Variants in INPP4B observed in about 807,000 individuals in gnomAD.
The protein encoded by INPP4B is inositol polyphosphate 4-phosphatase type II.
INPP4B carries 55 observed loss-of-function variants against 122.5 expected under a neutral mutation model. That is an observed-to-expected ratio of 0.45 (90% CI 0.36 to 0.56). The LOEUF (loss-of-function observed/expected upper bound fraction) is 0.56. Among genes scored for constraint, INPP4B ranks in the 20% least tolerant of loss-of-function variants. INPP4B has a pLI of 0.00. For missense variants in INPP4B, 1,000 were observed against 1,097.7 expected (o/e 0.91, Z 1.26); for synonymous variants, 403 against 388.7 (o/e 1.04, Z -0.43).
At chr4:142,640,033 T>C (rs536488903) in intron 2 of INPP4B, among the ~76,000 whole-genome samples, 2 of 152,158 alleles carry the variant, frequency 1.3e-5, no homozygotes, top group East Asian at 3.9e-4. Flanking sequence ...ATAATATGAA[T>C]AGTGAAAAGG....
intron 2 of INPP4B, among the ~76,000 whole-genome samples, chr4:142,530,172 A>G (rs1241514481): frequency 6.6e-6 from 1 of 152,196 alleles, no homozygotes; most frequent in African/African-American, 2.4e-5. Context: ...CTGCTGAAGC[A>G]AATTGTCAGA....
intron 1 of INPP4B, among the ~76,000 whole-genome samples, chr4:142,804,386 A>C (rs566271637): frequency 6.6e-6 from 1 of 152,216 alleles, no homozygotes; most frequent in South Asian, 2.1e-4. Context: ...CTTCTCAAAC[A>C]ATTGAGGAAT....
intron 2 of INPP4B, among the ~76,000 whole-genome samples, chr4:142,592,853 C>G (rs576707353): frequency 1.3e-5 from 2 of 152,226 alleles, no homozygotes; most frequent in South Asian, 4.1e-4. Flanking sequence ...GTAATCCCAG[C>G]ACTTTGGGAG....
chr4:142,517,811 A>C (rs770020656), intron 2 of INPP4B, among the ~76,000 whole-genome samples: 3 of 152,146 alleles, frequency 2.0e-5, no homozygotes, highest in Non-Finnish European at 4.4e-5. Flanking sequence ...TAATAGTGCT[A>C]ATAGCTCTTC....
chr4:142,493,366 C>T (rs891094706), intron 2 of INPP4B, among the ~76,000 whole-genome samples: 2 of 152,096 alleles, frequency 1.3e-5, no homozygotes, highest in African/African-American at 2.4e-5. Flanking sequence ...CTCCAGACCC[C>T]AGAATGGTAG....
At chr4:142,232,743 C>T (rs893579852) in intron 12 of INPP4B, among the ~76,000 whole-genome samples, 2 of 151,924 alleles carry the variant, frequency 1.3e-5, no homozygotes, top group African/African-American at 4.8e-5. Flanking sequence ...GCCAAACAGC[C>T]AAGTTGTGAA....
chr4:142,206,712 C>A (rs1371537364), intron 14 of INPP4B, among the ~76,000 whole-genome samples: 1 of 151,926 alleles, frequency 6.6e-6, no homozygotes, highest in South Asian at 2.1e-4. Flanking sequence ...TAAACCATTA[C>A]CACGACTTAT....
At position 142,711,678 on chromosome 4, in the gene INPP4B, T is replaced by C. The variant is rs964058381; in HGVS notation, c.-191+14161A>G. 7.9e-5 allele frequency among the ~76,000 whole-genome samples: 12 copies of C among 152,218 alleles called. No homozygotes were observed. In the East Asian group the frequency reaches 2.1e-3, roughly 27 times the overall value. ...TGAAACTTATTTGCCAGTGTATTAGTATTAAGAGGTGGGGACTTTGGAAAG... is the reference window on the plus strand; with the variant it reads ...TGAAACTTATTTGCCAGTGTATTAGCATTAAGAGGTGGGGACTTTGGAAAG... On this transcript the variant is annotated intron_variant, in intron 2 of 25. Transcript: ENST00000262992.
intron 14 of INPP4B, among the ~76,000 whole-genome samples, chr4:142,195,955 G>A (rs1838017674): frequency 6.6e-6 from 1 of 152,068 alleles, no homozygotes; most frequent in African/African-American, 2.4e-5. Flanking sequence ...ATCCTCCAAA[G>A]CTACTCTCTG....
intron 3 of INPP4B, among the ~76,000 whole-genome samples, chr4:142,450,237 A>G (rs1813842238): frequency 6.6e-6 from 1 of 152,206 alleles, no homozygotes; most frequent in African/African-American, 2.4e-5. Flanking sequence ...AAACAGAGCC[A>G]GTTCATGGCA....
At chr4:142,573,215 G>C (rs1397586901) in intron 2 of INPP4B, among the ~76,000 whole-genome samples, 1 of 151,898 alleles carries the variant, frequency 6.6e-6, no homozygotes, top group Non-Finnish European at 1.5e-5. Flanking sequence ...GAACAGCAAG[G>C]GAGAAATCCG....
At chr4:142,523,812 C>A (rs1206908035) in intron 2 of INPP4B, among the ~76,000 whole-genome samples, 21 of 123,910 alleles carry the variant, frequency 1.7e-4, no homozygotes, top group Non-Finnish European at 3.3e-4. Context: ...CCCCCCTCCC[C>A]CCACCCCACA....
intron 7 of INPP4B, among the ~76,000 whole-genome samples, chr4:142,368,967 T>C (rs2067224073): frequency 6.6e-6 from 1 of 151,758 alleles, no homozygotes; most frequent in Admixed American, 6.6e-5. Context: ...GGTAAGGAGC[T>C]TGGGCATTTC....
chr4:142,181,998 TG>T (rs1297228704), intron 15 of INPP4B, among the ~76,000 whole-genome samples: 1 of 152,194 alleles, frequency 6.6e-6, no homozygotes, highest in Non-Finnish European at 1.5e-5. Context: ...TATTTCTCTC[TG>T]GTGGATAGCA....
intron 2 of INPP4B, among the ~76,000 whole-genome samples, chr4:142,568,549 G>C (rs887986558): frequency 6.6e-6 from 1 of 152,100 alleles, no homozygotes; most frequent in Non-Finnish European, 1.5e-5. Context: ...ACATATCTAA[G>C]TATCCAAAGA....
At chr4:142,161,831 A>C (rs957888150) in intron 16 of INPP4B, among the ~76,000 whole-genome samples, 4 of 151,970 alleles carry the variant, frequency 2.6e-5, no homozygotes, top group Admixed American at 1.3e-4. Flanking sequence ...TTCATTAATC[A>C]AGATGAGAAA....
rs1302574739 is a variant in INPP4B, at chr4:142,026,261, G to A, written c.*2521C>T. On this transcript the variant is annotated 3_prime_UTR_variant, in exon 26 of 26. Coordinates refer to ENST00000262992, the MANE Select transcript of INPP4B (RefSeq NM_001101669.3). Reference sequence around the variant, plus strand: ...CCTTAATAACTTAAGAAATAGTGAAGTGGTTGTTTAAGAATGAACTGCCTC... The same window carrying A: ...CCTTAATAACTTAAGAAATAGTGAAATGGTTGTTTAAGAATGAACTGCCTC... The A allele has an allele frequency of 6.6e-6, 1 of 152,142 alleles. No homozygotes were observed. Among genetic ancestry groups the A allele is most frequent in the Admixed American group, 6.5e-5 (1 of 15,274 alleles). 9.4% of individuals were successfully genotyped at this position (152,142 alleles called of 1,614,324 possible).
At chr4:142,470,734 AGT>A (rs1166943718) in intron 2 of INPP4B, among the ~76,000 whole-genome samples, 1 of 152,242 alleles carries the variant, frequency 6.6e-6, no homozygotes, top group Non-Finnish European at 1.5e-5. Context: ...TCATTAAATA[AGT>A]GTGACATTGG....
chr4:142,227,724 G>C (rs940459961), intron 12 of INPP4B, among the ~76,000 whole-genome samples: 6 of 151,464 alleles, frequency 4.0e-5, no homozygotes, highest in Non-Finnish European at 5.9e-5. Context: ...TGGGCATGGT[G>C]GTGGGCACCT....
Sources: allele counts gnomAD v4.1 joint callset (sites outside exome capture counted in the v4.1 genomes callset), GRCh38; gene constraint gnomAD v4.1.1; transcripts MANE v1.5; gene names NCBI Gene and HGNC (gene_info 2026-07-23, HGNC 2026-07-21).